The following PTPN21 variants were observed in gnomAD, a reference collection of about 807,000 sequenced individuals.
PTPN21 encodes the protein protein tyrosine phosphatase non-receptor type 21, also known as tyrosine-protein phosphatase non-receptor type 21.
A neutral mutation model predicts 131.8 loss-of-function variants in PTPN21; 77 were observed. The observed-to-expected ratio is 0.58, with a 90% CI of 0.49 to 0.71. The LOEUF (loss-of-function observed/expected upper bound fraction) is 0.71. PTPN21 is among the 30% of genes least tolerant of loss of function. The pLI is 0.00. For synonymous variants in PTPN21, 715 were observed against 621.3 expected, an observed-to-expected ratio of 1.15 and a Z score of -2.24; for missense variants, 1,552 against 1,527.1, an observed-to-expected ratio of 1.02 and a Z score of -0.27.
intron 10 of PTPN21, among the ~76,000 whole-genome samples, chr14:88,489,540 A>G (rs2077790309): frequency 6.6e-6 from 1 of 152,060 alleles, no homozygotes; most frequent in Admixed American, 6.6e-5. Context: ...CTACTTCAGA[A>G]GCTGAGGGCT....
intron 2 of PTPN21, among the ~76,000 whole-genome samples, chr14:88,548,777 T>C (rs1318078207): frequency 3.3e-5 from 5 of 152,150 alleles, no homozygotes; most frequent in Admixed American, 6.5e-5. Context: ...CTAGGTTTAA[T>C]TAGAGACCTT....
At chr14:88,481,932 A>C in intron 12 of PTPN21, among the ~76,000 whole-genome samples, 1 of 152,230 alleles carries the variant, frequency 6.6e-6, no homozygotes, top group Non-Finnish European at 1.5e-5. Context: ...GCTCTCTTCC[A>C]ACTGCAACAC....
chr14:88,468,011 G>T lies in PTPN21; in HGVS notation c.*126C>A. 8.2e-7 allele frequency: 1 copy of T among 1,220,294 alleles called. No homozygotes were observed. The allele number at this position is 1,220,294 out of a possible 1,614,324, so 75.6% of individuals were successfully genotyped here. On this transcript the variant is annotated 3_prime_UTR_variant, in exon 19 of 19. Coordinates refer to ENST00000556564, the MANE Select transcript of PTPN21 (RefSeq NM_007039.4). ...TTCAGCGTGCCGCCATTCAGACTGC[G>T]CCACTTACGTCCCAGTGCCACGCTG...
intron 15 of PTPN21, among the ~76,000 whole-genome samples, chr14:88,472,034 C>T (rs1033372025): frequency 1.3e-5 from 2 of 152,104 alleles, no homozygotes; most frequent in Admixed American, 6.5e-5. Flanking sequence ...GTCTGATAGA[C>T]GCTTTTTATC....
At chr14:88,473,262 G>A (rs188593425) in intron 14 of PTPN21, among the ~76,000 whole-genome samples, 83 of 152,160 alleles carry the variant, frequency 5.5e-4, no homozygotes, top group African/African-American at 1.9e-3. Context: ...TACACCTCAG[G>A]CACAAAGGAA....
chr14:88,469,540 C>T lies in PTPN21; in HGVS notation c.3194G>A (p.Trp1065Ter), dbSNP rs1566804360. The T allele has an allele frequency of 6.2e-7, 1 of 1,614,148 alleles. No individual in the cohort carries two copies. The highest frequency in any genetic ancestry group is 1.1e-5 in the South Asian group (1 of 91,080). ...RTVWHLQYTD[W>*]PEHGCPEDLK... ...GTCTTCTGGACAGCCATGTTCAGGCCAGTCTGTGTATTGGAGGTGCCAGAC... is the reference window on the plus strand; with the variant it reads ...GTCTTCTGGACAGCCATGTTCAGGCTAGTCTGTGTATTGGAGGTGCCAGAC... Residue 1065 changes from tryptophan to a stop codon, truncating the protein, a stop_gained, in exon 17 of 19, where the codon TGG becomes TAG. Coordinates refer to ENST00000556564, the MANE Select transcript of PTPN21 (RefSeq NM_007039.4). LOFTEE classifies it high-confidence loss of function. The surrounding 1 kb of genome is among the most constrained non-coding windows in gnomAD (Gnocchi z 4.3).
intron 3 of PTPN21, among the ~76,000 whole-genome samples, chr14:88,512,810 C>G (rs1322768991): frequency 6.6e-6 from 1 of 152,168 alleles, no homozygotes; most frequent in Non-Finnish European, 1.5e-5. Flanking sequence ...TGGAAGCTTG[C>G]TTTGATACAA....
intron 2 of PTPN21, among the ~76,000 whole-genome samples, chr14:88,521,739 A>T (rs1195362868): frequency 6.6e-6 from 1 of 152,028 alleles, no homozygotes; most frequent in African/African-American, 2.4e-5. Flanking sequence ...CCAAAATGAA[A>T]AGGTCTTAAA....
At chr14:88,509,723 G>C (rs924477195) in intron 3 of PTPN21, among the ~76,000 whole-genome samples, 26 of 152,112 alleles carry the variant, frequency 1.7e-4, no homozygotes, top group African/African-American at 6.3e-4. Flanking sequence ...AATATTCTAG[G>C]ACTTTTCCTT....
chr14:88,548,453 T>G (rs1480842159), intron 2 of PTPN21, among the ~76,000 whole-genome samples: 1 of 152,298 alleles, frequency 6.6e-6, no homozygotes, highest in East Asian at 1.9e-4. Flanking sequence ...TGCCCCATCC[T>G]CAGGTCACAG....
chr14:88,550,726 C>T, intron 1 of PTPN21, 107 bp from the exon 2 acceptor site: 1 of 256,624 alleles, frequency 3.9e-6, no homozygotes, highest in Non-Finnish European at 7.5e-6. Flanking sequence ...TCCCTCTCCA[C>T]TGGAAAAAAG....
chr14:88,521,819 CAG>C (rs2078398637), intron 2 of PTPN21, among the ~76,000 whole-genome samples: 2 of 152,124 alleles, frequency 1.3e-5, no homozygotes, highest in Admixed American at 1.3e-4. Context: ...AATACAAAAA[CAG>C]AATTATAAAA....
At chr14:88,486,447 C>T (rs2077734351) in intron 10 of PTPN21, among the ~76,000 whole-genome samples, 1 of 152,254 alleles carries the variant, frequency 6.6e-6, no homozygotes, top group Admixed American at 6.5e-5. Context: ...GTAGACCCGC[C>T]TCTTGGGAGC....
intron 10 of PTPN21, among the ~76,000 whole-genome samples, chr14:88,486,519 A>C (rs2077735354): frequency 6.6e-6 from 1 of 152,014 alleles, no homozygotes; most frequent in Admixed American, 6.6e-5. Context: ...TCTTTTAAAA[A>C]ACTCAAATAT....
chr14:88,547,277 GGAA>G, intron 2 of PTPN21, among the ~76,000 whole-genome samples: 1 of 135,384 alleles, frequency 7.4e-6, no homozygotes, highest in South Asian at 2.5e-4. Flanking sequence ...GAAAATTACA[GGAA>G]GAAGAAACCA....
intron 2 of PTPN21, among the ~76,000 whole-genome samples, chr14:88,517,851 G>A (rs1280715012): frequency 7.0e-6 from 1 of 142,898 alleles, no homozygotes; most frequent in Non-Finnish European, 1.5e-5. Context: ...TATATATATG[G>A]TATATATATG....
chr14:88,475,325 A>AT (rs1377502739), intron 13 of PTPN21, among the ~76,000 whole-genome samples: 1 of 152,216 alleles, frequency 6.6e-6, no homozygotes, highest in Non-Finnish European at 1.5e-5. Flanking sequence ...TGCTGCTGTA[A>AT]TTGGAGACTG....
chr14:88,527,851 C>T (rs1259437169), intron 2 of PTPN21, among the ~76,000 whole-genome samples: 2 of 152,092 alleles, frequency 1.3e-5, no homozygotes, highest in African/African-American at 2.4e-5. Flanking sequence ...GATGAGGATC[C>T]AGTTTCATTA....
At chr14:88,468,765 GAC>G in intron 18 of PTPN21, 149 bp downstream of exon 18, 1 of 865,980 alleles carries the variant, frequency 1.2e-6, no homozygotes, top group Non-Finnish European at 1.8e-6. Flanking sequence ...TCTCCAAGAA[GAC>G]ACAGCCTTTT....
Sources: allele counts gnomAD v4.1 joint callset (sites outside exome capture counted in the v4.1 genomes callset), GRCh38; gene constraint gnomAD v4.1.1; non-coding constraint Gnocchi (gnomAD v3.1); transcripts MANE v1.5; gene names NCBI Gene and HGNC (gene_info 2026-07-23, HGNC 2026-07-21).